LDAH: variants seen among roughly 807,000 people sequenced by gnomAD.
LDAH encodes the protein lipid droplet-associated hydrolase.
A neutral mutation model predicts 29.6 loss-of-function variants in LDAH; 26 were observed. The observed-to-expected ratio is 0.88, with a 90% CI of 0.64 to 1.22. The LOEUF (loss-of-function observed/expected upper bound fraction) is 1.22, where lower values mean the gene tolerates loss of function less well. Among genes scored for constraint, LDAH ranks in the 50% most tolerant of loss-of-function variants. The pLI, the probability that LDAH is intolerant of heterozygous loss-of-function variation, is 0.00. For missense variants in LDAH, 344 were observed against 387.3 expected, an observed-to-expected ratio of 0.89 and a Z score of 0.94; for synonymous variants, 117 against 133.0, an observed-to-expected ratio of 0.88 and a Z score of 0.83.
chr2:20,729,774 T>C (rs1004470145), intron 5 of LDAH, among the ~76,000 whole-genome samples: 2 of 152,192 alleles, frequency 1.3e-5, no homozygotes, highest in African/African-American at 2.4e-5. Context: ...AACCACAGTA[T>C]AATGTTACAG....
intron 6 of LDAH, among the ~76,000 whole-genome samples, chr2:20,694,358 CCG>C (rs1220366170): frequency 1.3e-5 from 2 of 152,200 alleles, no homozygotes; most frequent in African/African-American, 4.8e-5. Flanking sequence ...TTAAAGGAAA[CCG>C]ATTCTGTGAT....
intron 5 of LDAH, among the ~76,000 whole-genome samples, chr2:20,710,641 TAGTATAC>T (rs1664671162): frequency 1.1e-5 from 1 of 89,880 alleles, no homozygotes; most frequent in South Asian, 3.7e-4. Flanking sequence ...TATAGATATA[TAGTATAC>T]ATATATATAC....
At position 20,702,095 on chromosome 2, in the gene LDAH, T is replaced by G. The variant is rs1015812704; in HGVS notation, c.704-443A>C. ...AAAGGAAACAACTAAAAGGATTATT[T>G]ATCTTTAAAAATACGTTTAAAGTTC... On this transcript the variant is annotated intron_variant, in intron 5 of 6. Coordinates refer to ENST00000237822, the MANE Select transcript of LDAH (RefSeq NM_021925.4). Among the ~76,000 whole-genome samples the G allele has an allele frequency of 9.8e-5, 15 of 152,312 alleles. 1 individual carries two copies. The South Asian group carries it at 3.1e-3, about 32-fold the overall frequency.
At chr2:20,748,148 T>C (rs546917671) in intron 4 of LDAH, among the ~76,000 whole-genome samples, 10 of 152,184 alleles carry the variant, frequency 6.6e-5, no homozygotes, top group Non-Finnish European at 1.3e-4. Flanking sequence ...CAACTACTGA[T>C]TACTGAAACA....
At chr2:20,683,249 T>C (rs1191697608), downstream of LDAH, among the ~76,000 whole-genome samples, 1 of 152,180 alleles carries the variant, frequency 6.6e-6, no homozygotes, top group East Asian at 1.9e-4. Context: ...CTTACCCATG[T>C]CTGTATGGGG....
At chr2:20,728,535 G>GCT (rs149809066) in intron 5 of LDAH, among the ~76,000 whole-genome samples, 61,509 of 151,798 alleles carry the variant, frequency 0.41, 13,324 homozygotes, top group African/African-American at 0.55. Context: ...GTTGAGTGTT[G>GCT]CTCTCTCAGT....
intron 4 of LDAH, among the ~76,000 whole-genome samples, chr2:20,741,191 T>C (rs1049909266): frequency 3.3e-5 from 5 of 152,192 alleles, no homozygotes; most frequent in Non-Finnish European, 7.4e-5. Context: ...GATGTGTCTT[T>C]TCAAAGATTT....
intron 5 of LDAH, among the ~76,000 whole-genome samples, chr2:20,735,040 G>A (rs1666681027): frequency 6.6e-6 from 1 of 152,090 alleles, no homozygotes; most frequent in Non-Finnish European, 1.5e-5. Context: ...TGCTCTTCTG[G>A]CTGCTTTCAA....
intron 1 of LDAH, among the ~76,000 whole-genome samples, chr2:20,806,787 G>T (rs535908974): frequency 4.0e-5 from 6 of 151,572 alleles, no homozygotes; most frequent in Non-Finnish European, 7.4e-5. Context: ...TGCAGATAAA[G>T]ATACGAATGC....
chr2:20,692,524 T>C (rs1053789805), intron 6 of LDAH, among the ~76,000 whole-genome samples: 1 of 152,206 alleles, frequency 6.6e-6, no homozygotes, highest in South Asian at 2.1e-4. Context: ...GTCTATTCAA[T>C]AGGACAGTAG....
chr2:20,802,837 C>T (rs1671798811), intron 1 of LDAH, among the ~76,000 whole-genome samples: 1 of 152,176 alleles, frequency 6.6e-6, no homozygotes, highest in Non-Finnish European at 1.5e-5. Context: ...TCTTCATTGT[C>T]TTATCTGGAA....
chr2:20,718,555 T>C (rs1665412423), intron 5 of LDAH, among the ~76,000 whole-genome samples: 1 of 152,082 alleles, frequency 6.6e-6, no homozygotes, highest in Admixed American at 6.6e-5. Flanking sequence ...TAGACTGCAA[T>C]ACAGTAATAG....
At chr2:20,803,869 A>C (rs1671885753) in intron 1 of LDAH, among the ~76,000 whole-genome samples, 1 of 152,178 alleles carries the variant, frequency 6.6e-6, no homozygotes, top group African/African-American at 2.4e-5. Flanking sequence ...ATAATTCTTT[A>C]AGTTAAACTA....
intron 4 of LDAH, among the ~76,000 whole-genome samples, chr2:20,750,757 C>T (rs1201055617): frequency 6.6e-6 from 1 of 152,164 alleles, no homozygotes; most frequent in Admixed American, 6.5e-5. Context: ...GGAAACAACC[C>T]ACATGCCCAT....
chr2:20,797,618 G>A lies in LDAH; in HGVS notation c.154+3692C>T, dbSNP rs73224606. Among the ~76,000 whole-genome samples, 911 of 152,166 alleles carry A rather than the reference G, an allele frequency of 6.0e-3. 10 individuals carry two copies. Among genetic ancestry groups the A allele is most frequent in the African/African-American group, 0.02 (850 of 41,510 alleles). On this transcript the variant is annotated intron_variant, in intron 2 of 6. Transcript: ENST00000237822. ...GCTAATCACCCTAGACACACCTCTG[G>A]ATAAGCCCCAGCTCTGAGTGCAAAG...
intron 2 of LDAH, among the ~76,000 whole-genome samples, chr2:20,799,458 C>G (rs1174213177): frequency 6.6e-6 from 1 of 152,098 alleles, no homozygotes; most frequent in Non-Finnish European, 1.5e-5. Context: ...TTAGTACATT[C>G]ACTTTGAGTA....
At chr2:20,787,087 C>G (rs1163566851) in intron 3 of LDAH, among the ~76,000 whole-genome samples, 1 of 152,156 alleles carries the variant, frequency 6.6e-6, no homozygotes, top group African/African-American at 2.4e-5. Flanking sequence ...ATAGTCTGTA[C>G]TTTACCCCCA....
chr2:20,754,645 T>A (rs1668203606), intron 4 of LDAH, among the ~76,000 whole-genome samples: 1 of 151,944 alleles, frequency 6.6e-6, no homozygotes, highest in African/African-American at 2.4e-5. Flanking sequence ...GGTGACCTAC[T>A]CTGAGAAGGA....
At chr2:20,739,450 A>G (rs1667024024) in intron 5 of LDAH, among the ~76,000 whole-genome samples, 1 of 152,254 alleles carries the variant, frequency 6.6e-6, no homozygotes, top group Non-Finnish European at 1.5e-5. Context: ...TAAAGTCACA[A>G]AAACATTTCC....
Sources: allele counts gnomAD v4.1 joint callset (sites outside exome capture counted in the v4.1 genomes callset), GRCh38; gene constraint gnomAD v4.1.1; transcripts MANE v1.5; gene names NCBI Gene and HGNC (gene_info 2026-07-23, HGNC 2026-07-21).